CA10: variants seen among roughly 807,000 people sequenced by gnomAD.
The protein encoded by CA10 is carbonic anhydrase 10 (inactive).
CA10 carries 14 observed loss-of-function variants against 44.2 expected under a neutral mutation model. The ratio of observed to expected loss-of-function variants is 0.32; its 90% CI spans 0.21 to 0.50. The LOEUF (loss-of-function observed/expected upper bound fraction) is 0.50, where lower values mean the gene tolerates loss of function less well. CA10 is among the 20% of genes least tolerant of loss of function. The pLI is 0.99. For synonymous variants in CA10, 159 were observed against 141.6 expected (o/e 1.12, Z -0.87); for missense variants, 350 against 409.7 (o/e 0.85, Z 1.26).
chr17:51,739,881 G>A (rs1228246845), intron 4 of CA10, among the ~76,000 whole-genome samples: 1 of 152,136 alleles, frequency 6.6e-6, no homozygotes, highest in Non-Finnish European at 1.5e-5. Flanking sequence ...TCTAGCATTG[G>A]CAAAGCTCCT....
chr17:52,111,216 C>T (rs1408309446), intron 1 of CA10, among the ~76,000 whole-genome samples: 1 of 152,152 alleles, frequency 6.6e-6, no homozygotes, highest in Non-Finnish European at 1.5e-5. Context: ...GTATGACGCT[C>T]ACTTAACTGT....
chr17:52,065,816 C>G (rs1358272120), intron 2 of CA10, among the ~76,000 whole-genome samples: 1 of 152,150 alleles, frequency 6.6e-6, no homozygotes, highest in East Asian at 1.9e-4. Context: ...TTTGGCTGTG[C>G]CCCCAGCCAA....
intron 3 of CA10, among the ~76,000 whole-genome samples, chr17:51,806,511 A>T (rs908288670): frequency 2.0e-5 from 3 of 152,230 alleles, no homozygotes; most frequent in Admixed American, 6.5e-5. Flanking sequence ...TGGGAAATAC[A>T]ATAAACAAAT....
chr17:51,998,392 T>C (rs2078407934), intron 2 of CA10, among the ~76,000 whole-genome samples: 2 of 152,092 alleles, frequency 1.3e-5, no homozygotes, highest in South Asian at 4.1e-4. Context: ...CTGCAGTTCT[T>C]CATGGAGTGT....
At chr17:52,116,013 A>G (rs756323433) in intron 1 of CA10, among the ~76,000 whole-genome samples, 3 of 151,542 alleles carry the variant, frequency 2.0e-5, no homozygotes, top group African/African-American at 4.9e-5. Context: ...AATCACTTGA[A>G]CCTGGGAGGC....
intron 3 of CA10, among the ~76,000 whole-genome samples, chr17:51,878,893 G>GGGGGGT (rs1555608412): frequency 4.8e-4 from 25 of 52,352 alleles, no homozygotes; most frequent in African/African-American, 1.6e-3. Context: ...TATATATATG[G>GGGGGGT]GTGTGTGTGT....
At chr17:51,672,364 T>C (rs929304196) in intron 4 of CA10, among the ~76,000 whole-genome samples, 8 of 152,192 alleles carry the variant, frequency 5.3e-5, no homozygotes, top group Non-Finnish European at 1.2e-4. Flanking sequence ...GCACCTGGGT[T>C]GGGATCAGCT....
At chr17:51,820,420 C>CT (rs1907736651) in intron 3 of CA10, among the ~76,000 whole-genome samples, 6 of 78,388 alleles carry the variant, frequency 7.7e-5, no homozygotes, top group African/African-American at 2.3e-4. Context: ...CCCCCCCCCG[C>CT]CCGCCGATTT....
Position 51,841,823 on chromosome 17 carries a change from A to AGT in CA10, c.279+89166_279+89167insAC, listed in dbSNP as rs1289879365. On this transcript the variant is annotated intron_variant, in intron 3 of 8. Transcript: ENST00000451037. ...AGGAAAGCTCCAGGGAGGGTATATTAGGACCCTGACTCCACTTCACTGTGA... is the reference window on the plus strand; with the variant it reads ...AGGAAAGCTCCAGGGAGGGTATATTAGTGGACCCTGACTCCACTTCACTGTGA... Among the ~76,000 whole-genome samples, 7 of 152,206 alleles carry AGT rather than the reference A, an allele frequency of 4.6e-5. No individual in the cohort carries two copies. In the East Asian group the frequency reaches 1.3e-3, roughly 29 times the overall value.
chr17:52,101,603 C>T (rs1313247877), intron 1 of CA10, among the ~76,000 whole-genome samples: 1 of 152,138 alleles, frequency 6.6e-6, no homozygotes, highest in Non-Finnish European at 1.5e-5. Flanking sequence ...TCTTGAAGAC[C>T]ATCCATTTCA....
chr17:51,951,234 C>T (rs1983469491), intron 2 of CA10, among the ~76,000 whole-genome samples: 1 of 152,120 alleles, frequency 6.6e-6, no homozygotes, highest in Non-Finnish European at 1.5e-5. Flanking sequence ...ATGAGAAGGA[C>T]CTTATTAGTT....
chr17:52,089,078 C>A (rs1226938750), intron 1 of CA10, among the ~76,000 whole-genome samples: 4 of 152,180 alleles, frequency 2.6e-5, no homozygotes, highest in Non-Finnish European at 4.4e-5. Flanking sequence ...CATGTAATCA[C>A]GAATTTCAAA....
intron 2 of CA10, among the ~76,000 whole-genome samples, chr17:52,024,937 A>T (rs187014452): frequency 1.0e-3 from 156 of 151,916 alleles, no homozygotes; most frequent in Non-Finnish European, 1.7e-3. Context: ...AAGAAAGAGG[A>T]TATCATATAT....
chr17:51,756,486 T>TG (rs1040619586), intron 3 of CA10, among the ~76,000 whole-genome samples: 3 of 150,926 alleles, frequency 2.0e-5, no homozygotes, highest in African/African-American at 7.3e-5. Flanking sequence ...TTTTTTTTTT[T>TG]TTTGAGTCTT....
At chr17:51,807,780 A>G (rs1265467965) in intron 3 of CA10, among the ~76,000 whole-genome samples, 1 of 152,242 alleles carries the variant, frequency 6.6e-6, no homozygotes, top group Non-Finnish European at 1.5e-5. Flanking sequence ...TCCAGACTAC[A>G]TGATTTCACT....
At chr17:51,900,645 C>T (rs76970076) in intron 3 of CA10, among the ~76,000 whole-genome samples, 14,912 of 152,194 alleles carry the variant, frequency 0.098, 918 homozygotes, top group African/African-American at 0.18. Flanking sequence ...TTCTCGCTCT[C>T]TCTTTCAGGG....
chr17:51,792,564 G>A (rs1906560497), intron 3 of CA10, among the ~76,000 whole-genome samples: 1 of 152,142 alleles, frequency 6.6e-6, no homozygotes, highest in Admixed American at 6.5e-5. Context: ...TGCTAGATTT[G>A]TGCAAAACAA....
At chr17:51,832,630 CAGT>C (rs1908323517) in intron 3 of CA10, among the ~76,000 whole-genome samples, 1 of 152,176 alleles carries the variant, frequency 6.6e-6, no homozygotes, top group Admixed American at 6.5e-5. Context: ...ACAGGAATGT[CAGT>C]AGCAGATTGC....
chr17:51,906,057 T>C (rs141557853), intron 3 of CA10, among the ~76,000 whole-genome samples: 2 of 152,266 alleles, frequency 1.3e-5, no homozygotes, highest in African/African-American at 4.8e-5. Flanking sequence ...ACAGAGACTC[T>C]GTCTTTCCTT....
Sources: allele counts gnomAD v4.1 joint callset (sites outside exome capture counted in the v4.1 genomes callset), GRCh38; gene constraint gnomAD v4.1.1; transcripts MANE v1.5; gene names NCBI Gene and HGNC (gene_info 2026-07-23, HGNC 2026-07-21).